TPH2: variants seen among roughly 807,000 people sequenced by gnomAD.
TPH2 encodes tryptophan hydroxylase 2, also known as tryptophan 5-hydroxylase 2.
In TPH2, 27 loss-of-function variants were observed where a neutral mutation model predicts 59.1. That is an observed-to-expected ratio of 0.46 (90% confidence interval 0.34 to 0.63). The LOEUF is 0.63. TPH2 is among the 30% of genes least tolerant of loss of function. The pLI, the probability that TPH2 is intolerant of heterozygous loss-of-function variation, is 0.01. For missense variants in TPH2, 523 were observed against 588.3 expected, an observed-to-expected ratio of 0.89 and a Z score of 1.15; for synonymous variants, 220 against 210.5, an observed-to-expected ratio of 1.05 and a Z score of -0.39.
At chr12:71,950,866 T>C (rs1871325993) in intron 5 of TPH2, among the ~76,000 whole-genome samples, 2 of 152,102 alleles carry the variant, frequency 1.3e-5, no homozygotes, top group South Asian at 4.1e-4. Context: ...ATGAGAAGAT[T>C]CTTCATCCCA....
At chr12:72,028,969 T>C (rs1397318020) in intron 9 of TPH2, among the ~76,000 whole-genome samples, 4 of 152,230 alleles carry the variant, frequency 2.6e-5, no homozygotes, top group Non-Finnish European at 5.9e-5. Context: ...CTTGATCTAC[T>C]TTAATGCTTT....
intron 5 of TPH2, chr12:71,961,855 C>T (rs1871693912): frequency 8.7e-7 from 1 of 1,149,654 alleles, no homozygotes. Flanking sequence ...CCTGAGGCTC[C>T]TTAGGTGCAG....
chr12:71,952,717 C>T (rs1871384370), intron 5 of TPH2, among the ~76,000 whole-genome samples: 2 of 152,240 alleles, frequency 1.3e-5, no homozygotes, highest in South Asian at 4.2e-4. Flanking sequence ...TGTGTGCACT[C>T]CTCTCCTCCA....
intron 6 of TPH2, among the ~76,000 whole-genome samples, chr12:71,976,325 C>T (rs1229177835): frequency 6.6e-6 from 1 of 152,124 alleles, no homozygotes; most frequent in Non-Finnish European, 1.5e-5. Context: ...GGATATATCG[C>T]CTAGTTTGTA....
intron 7 of TPH2, among the ~76,000 whole-genome samples, chr12:71,985,260 C>A (rs1872398435): frequency 6.6e-6 from 1 of 152,202 alleles, no homozygotes; most frequent in Admixed American, 6.5e-5. Context: ...GTGGCCTTAG[C>A]CACTACTTTG....
intron 8 of TPH2, among the ~76,000 whole-genome samples, chr12:72,020,961 C>A (rs2139243802): frequency 6.6e-6 from 1 of 152,292 alleles, no homozygotes; most frequent in South Asian, 2.1e-4. Flanking sequence ...ATATAACCTT[C>A]CTGAACCAAG....
chr12:72,031,228 G>T, intron 9 of TPH2, 30 bp from the exon 10 acceptor site: 1 of 1,613,014 alleles, frequency 6.2e-7, no homozygotes, highest in Non-Finnish European at 8.5e-7. Flanking sequence ...TCATTACAGA[G>T]TTTAACAGGT....
In TPH2 at chr12:72,025,928, CA is replaced by C. The variant is rs1375199010; in HGVS notation, c.1164+3435del. On this transcript the variant is annotated intron_variant, in intron 9 of 10. Transcript: ENST00000333850. ...TTATTCATTAATTTTGTTCAACAAA[CA>C]CAAAATTGATGGTCCAAGATTTCAA... 2.0e-5 allele frequency among the ~76,000 whole-genome samples: 3 copies of C among 152,110 alleles called. No individual in the cohort carries two copies. In the South Asian group the frequency reaches 6.2e-4, roughly 31 times the overall value.
chr12:71,939,138 T>C (rs1478447542), intron 1 of TPH2, 47 bp downstream of exon 1: 19 of 1,432,524 alleles, frequency 1.3e-5, no homozygotes, highest in Non-Finnish European at 1.7e-5. Flanking sequence ...TTTTAGGGTG[T>C]GACCATCTTC....
chr12:72,001,947 A>T, intron 8 of TPH2, among the ~76,000 whole-genome samples: 1 of 152,146 alleles, frequency 6.6e-6, no homozygotes, highest in East Asian at 1.9e-4. Flanking sequence ...AAAGGGTACA[A>T]AGTTTTAGAT....
chr12:71,961,111 C>T (rs1273542788), intron 5 of TPH2, among the ~76,000 whole-genome samples: 1 of 152,136 alleles, frequency 6.6e-6, no homozygotes, highest in Non-Finnish European at 1.5e-5. Flanking sequence ...ATATTGGGTA[C>T]TCAGTACCTT....
intron 7 of TPH2, among the ~76,000 whole-genome samples, chr12:71,992,808 T>C (rs532481179): frequency 6.6e-6 from 1 of 152,344 alleles, no homozygotes; most frequent in Non-Finnish European, 1.5e-5. Flanking sequence ...TAGTACATAG[T>C]AGGAGCTCAG....
At chr12:71,954,125 A>C (rs1327874179) in intron 5 of TPH2, among the ~76,000 whole-genome samples, 1 of 152,136 alleles carries the variant, frequency 6.6e-6, no homozygotes, top group Non-Finnish European at 1.5e-5. Context: ...ATGATGAAAA[A>C]ACAGCAGGCT....
Position 71,944,637 on chromosome 12 carries a change from G to A in TPH2, c.491G>A (p.Cys164Tyr). The A allele has an allele frequency of 6.2e-7, 1 of 1,613,936 alleles. No homozygotes were observed. The highest frequency in any genetic ancestry group is 8.5e-7 in the Non-Finnish European group (1 of 1,179,848). ...FPRKISELDK[C>Y]SHRVLMYGSE... is the part of the protein sequence containing the mutation. Reference sequence around the variant, plus strand: ...CGGAAGATCTCTGAGTTAGACAAATGCTCTCACAGAGTTCTCATGTATGGT... The same window carrying A: ...CGGAAGATCTCTGAGTTAGACAAATACTCTCACAGAGTTCTCATGTATGGT... The change falls in exon 4 of 11, where the codon TGC becomes TAC. Residue 164 changes from cysteine to tyrosine, a missense_variant. By Grantham distance (194) the Cys-to-Tyr change is radical. Coordinates refer to ENST00000333850, the MANE Select transcript of TPH2 (RefSeq NM_173353.4).
At chr12:71,951,376 GACC>G (rs901069165) in intron 5 of TPH2, among the ~76,000 whole-genome samples, 1 of 152,112 alleles carries the variant, frequency 6.6e-6, no homozygotes, top group Admixed American at 6.5e-5. Context: ...TTTGTAGCAT[GACC>G]AGCCAGAACA....
chr12:72,023,155 A>T (rs531056519), intron 9 of TPH2, among the ~76,000 whole-genome samples: 2 of 152,164 alleles, frequency 1.3e-5, no homozygotes, highest in African/African-American at 4.8e-5. Flanking sequence ...TCTTTTAAGA[A>T]TTGCCATTTA....
At chr12:71,961,883 G>A (rs951834894) in intron 5 of TPH2, 24 of 1,110,186 alleles carry the variant, frequency 2.2e-5, no homozygotes, top group Middle Eastern at 4.3e-4. Flanking sequence ...TTTTCATTAC[G>A]TCTCTTGTAA....
intron 5 of TPH2, chr12:71,961,504 TATCTGATTAA>T: frequency 7.4e-7 from 1 of 1,347,066 alleles, no homozygotes; most frequent in Non-Finnish European, 9.8e-7. Flanking sequence ...GTGCAAGATG[TATCTGATTAA>T]ATCTGTGACT....
chr12:71,995,077 G>A (rs545510514), intron 8 of TPH2, among the ~76,000 whole-genome samples: 4 of 152,174 alleles, frequency 2.6e-5, no homozygotes, highest in Non-Finnish European at 5.9e-5. Context: ...CTAGGTGGTT[G>A]TAGTCAGACA....
Sources: allele counts gnomAD v4.1 joint callset (sites outside exome capture counted in the v4.1 genomes callset), GRCh38; gene constraint gnomAD v4.1.1; transcripts MANE v1.5; gene names NCBI Gene and HGNC (gene_info 2026-07-23, HGNC 2026-07-21).